The following TRAK2 variants were observed in gnomAD, a reference collection of about 807,000 sequenced individuals.
The protein encoded by TRAK2 is trafficking kinesin-binding protein 2.
Under a neutral mutation model 104.6 loss-of-function variants are expected in TRAK2, and 81 were observed. That is an observed-to-expected ratio of 0.77 (90% CI 0.65 to 0.93). The LOEUF (loss-of-function observed/expected upper bound fraction) is 0.93, where lower values mean the gene tolerates loss of function less well. Ranked by LOEUF, TRAK2 falls within the 40% of genes least tolerant of loss-of-function variation. TRAK2 has a pLI of 0.00. For missense variants in TRAK2, 1,002 were observed against 1,089.0 expected (o/e 0.92, Z 1.12); for synonymous variants, 406 against 394.4 (o/e 1.03, Z -0.35).
rs1951321437 is a variant in TRAK2, at chr2:201,379,750, C to T, written c.*793G>A. The T allele has an allele frequency of 6.6e-6, 1 of 151,914 alleles. No homozygotes were observed. Among genetic ancestry groups the T allele is most frequent in the Non-Finnish European group, 1.5e-5 (1 of 67,924 alleles). 9.4% of individuals were successfully genotyped at this position (151,914 alleles called of 1,614,324 possible). ...ACGAAATATTCTAAAAACAAGTTTT[C>T]TTGGTTTCAATTTACTCACATTTTG... On this transcript the variant is annotated 3_prime_UTR_variant, in exon 16 of 16. Transcript: ENST00000332624.
At chr2:201,450,762 C>T (rs1193840310) in intron 1 of TRAK2, among the ~76,000 whole-genome samples, 3 of 151,756 alleles carry the variant, frequency 2.0e-5, no homozygotes, top group African/African-American at 7.3e-5. Context: ...AAGTAACATC[C>T]CTATTATTAT....
At chr2:201,420,947 T>C (rs528020593) in intron 1 of TRAK2, among the ~76,000 whole-genome samples, 9 of 152,312 alleles carry the variant, frequency 5.9e-5, no homozygotes, top group Admixed American at 4.6e-4. Flanking sequence ...AGTGGCTGCC[T>C]GGAGTTAAGG....
At chr2:201,433,504 T>C (rs1951858731) in intron 1 of TRAK2, 1 of 152,214 alleles carries the variant, frequency 6.6e-6, no homozygotes, top group African/African-American at 2.4e-5. Flanking sequence ...TCCATTCGTT[T>C]AAACGTCCAA....
In TRAK2 at chr2:201,387,683, G is replaced by T; in HGVS notation, c.1696+20C>A. ...CCAGTAAGTCACATGGCTTAGTAAG[G>T]GCCCTTACTGATTTATTACCTTCAA... On this transcript the variant is annotated intron_variant, in intron 13 of 15. Coordinates refer to ENST00000332624, the MANE Select transcript of TRAK2 (RefSeq NM_015049.3). The T allele has an allele frequency of 1.3e-6, 2 of 1,563,452 alleles. No individual in the cohort carries two copies. The highest frequency in any genetic ancestry group is 1.7e-6 in the Non-Finnish European group (2 of 1,153,880).
intron 2 of TRAK2, chr2:201,411,863 A>G: frequency 2.2e-6 from 2 of 929,018 alleles, no homozygotes; most frequent in Non-Finnish European, 3.6e-6. Context: ...TTGGTATCAA[A>G]GTATGTTTCA....
intron 1 of TRAK2, among the ~76,000 whole-genome samples, chr2:201,431,417 A>C (rs1472952635): frequency 1.3e-5 from 2 of 152,228 alleles, no homozygotes; most frequent in African/African-American, 2.4e-5. Context: ...TGGAGGCTCC[A>C]GGGAAAAATC....
intron 1 of TRAK2, 89 bp downstream of exon 1, chr2:201,451,261 A>C (rs1952033202): frequency 6.6e-6 from 1 of 152,310 alleles, no homozygotes; most frequent in African/African-American, 2.4e-5. Context: ...ACCTCCGGGT[A>C]CCGGAGGACC....
In TRAK2 at chr2:201,380,619, A is replaced by G; in HGVS notation, c.2669T>C (p.Leu890Pro). The G allele has an allele frequency of 6.2e-7, 1 of 1,614,040 alleles. No homozygotes were observed. The part of the protein sequence containing the change: ...LLGGLRRNQS[L>P]PVIMGSFAAP... The stretch of plus-strand genomic sequence containing the variant: ...AGCAAAGCTACCCATTATGACTGGA[A>G]GACTCTGATTCCTCCTTAGTCCACC... The change falls in exon 16 of 16, where the codon CTT (leucine) becomes CCT (proline). Residue 890 changes from leucine to proline, a missense_variant. Transcript: ENST00000332624.
At chr2:201,449,251 T>G (rs913933842) in intron 1 of TRAK2, among the ~76,000 whole-genome samples, 7 of 152,308 alleles carry the variant, frequency 4.6e-5, no homozygotes, top group African/African-American at 1.7e-4. Flanking sequence ...TAGACAATCC[T>G]CTTTAACCAC....
At chr2:201,395,243 A>G in intron 8 of TRAK2, 71 bp downstream of exon 8, 4 of 1,320,714 alleles carry the variant, frequency 3.0e-6, no homozygotes, top group Non-Finnish European at 4.3e-6. Context: ...TATTGTATCT[A>G]GCACTTAGCA....
intron 1 of TRAK2, among the ~76,000 whole-genome samples, chr2:201,436,304 G>A (rs2125660895): frequency 6.6e-6 from 1 of 152,220 alleles, no homozygotes; most frequent in South Asian, 2.1e-4. Context: ...ACTAAAATAT[G>A]TACTGTACTT....
chr2:201,407,432 A>C lies in TRAK2; in HGVS notation c.257T>G (p.Val86Gly). The C allele has an allele frequency of 8.7e-6, 14 of 1,613,992 alleles. No individual in the cohort carries two copies. The highest frequency in any genetic ancestry group is 1.2e-5 in the Non-Finnish European group (14 of 1,179,906). ...RQHASDALSP[V>G]LAEETFRYMI... is the part of the protein sequence containing the mutation. ...GTAACGGAAAGTCTCTTCAGCAAGG[A>C]CTGGAGAGAGAGCATCAGATGCATG... The change falls in exon 3 of 16, where the codon GTC becomes GGC. Residue 86 changes from valine (V) to glycine (G), a missense_variant. Transcript: ENST00000332624.
chr2:201,446,821 A>G (rs899642440), intron 1 of TRAK2, among the ~76,000 whole-genome samples: 2 of 152,226 alleles, frequency 1.3e-5, no homozygotes, highest in African/African-American at 2.4e-5. Context: ...CACTTTTTAG[A>G]GTGGAAAAAT....
chr2:201,384,304 C>CA, intron 14 of TRAK2, 88 bp from the exon 15 acceptor site: 1 of 967,180 alleles, frequency 1.0e-6, no homozygotes, highest in Non-Finnish European at 1.6e-6. Context: ...AATAATATAG[C>CA]ATTTATCAAG....
chr2:201,426,901 T>C (rs566956357), intron 1 of TRAK2, among the ~76,000 whole-genome samples: 1 of 152,330 alleles, frequency 6.6e-6, no homozygotes, highest in East Asian at 1.9e-4. Context: ...TGAACATAGT[T>C]CCATGGATGT....
chr2:201,411,152 C>T, intron 2 of TRAK2: 1 of 771,530 alleles, frequency 1.3e-6, no homozygotes, highest in Non-Finnish European at 2.3e-6. Flanking sequence ...TCAAAGATGA[C>T]ATATTATCCA....
At chr2:201,437,283 T>G (rs1951886091) in intron 1 of TRAK2, among the ~76,000 whole-genome samples, 1 of 152,198 alleles carries the variant, frequency 6.6e-6, no homozygotes, top group African/African-American at 2.4e-5. Flanking sequence ...TACCTGCGTT[T>G]AATGGCTATT....
intron 2 of TRAK2, among the ~76,000 whole-genome samples, chr2:201,418,183 GTTA>G (rs1386302863): frequency 2.0e-5 from 3 of 152,188 alleles, no homozygotes; most frequent in Admixed American, 6.6e-5. Flanking sequence ...TGACAAGCTG[GTTA>G]TTATTATTAG....
chr2:201,404,031 T>G (rs1234931422), intron 3 of TRAK2, among the ~76,000 whole-genome samples: 2 of 152,174 alleles, frequency 1.3e-5, no homozygotes, highest in Admixed American at 1.3e-4. Flanking sequence ...TGCAGTGGAA[T>G]CAGTTCTGTC....
Sources: allele counts gnomAD v4.1 joint callset (sites outside exome capture counted in the v4.1 genomes callset), GRCh38; gene constraint gnomAD v4.1.1; transcripts MANE v1.5; gene names NCBI Gene and HGNC (gene_info 2026-07-23, HGNC 2026-07-21).